ENPP2: variants seen among roughly 807,000 people sequenced by gnomAD.
ENPP2 encodes the protein autotaxin.
Under a neutral mutation model 120.2 loss-of-function variants are expected in ENPP2, and 51 were observed. The ratio of observed to expected loss-of-function variants is 0.42; its 90% confidence interval spans 0.34 to 0.54. ENPP2 has a LOEUF of 0.54. ENPP2 is among the 20% of genes least tolerant of loss of function. ENPP2 has a pLI of 0.04. For missense variants in ENPP2, 920 were observed against 1,066.5 expected, an observed-to-expected ratio of 0.86 and a Z score of 1.91; for synonymous variants, 365 against 366.4, an observed-to-expected ratio of 1.00 and a Z score of 0.04.
intron 8 of ENPP2, 45 bp downstream of exon 8, chr8:119,616,220 C>T (rs1461167276): frequency 6.5e-7 from 1 of 1,545,012 alleles, no homozygotes. Flanking sequence ...TGTCTCAATA[C>T]ATGAACACAC....
chr8:119,616,099 A>T (rs1815437525), intron 8 of ENPP2, among the ~76,000 whole-genome samples, 166 bp downstream of exon 8: 1 of 152,070 alleles, frequency 6.6e-6, no homozygotes, highest in South Asian at 2.1e-4. Context: ...ATGCATATAT[A>T]CACATATTTC....
At chr8:119,628,231 T>C (rs1225074464) in intron 2 of ENPP2, among the ~76,000 whole-genome samples, 1 of 152,188 alleles carries the variant, frequency 6.6e-6, no homozygotes, top group African/African-American at 2.4e-5. Context: ...TAGGGTCTCA[T>C]CTCAATATAC....
chr8:119,647,349 G>A (rs1289328084), intron 1 of ENPP2, among the ~76,000 whole-genome samples: 1 of 151,968 alleles, frequency 6.6e-6, no homozygotes, highest in East Asian at 1.9e-4. Context: ...CCAAATGCAG[G>A]GACCAATTAT....
intron 23 of ENPP2, 137 bp from the exon 24 acceptor site, chr8:119,563,150 C>T: frequency 1.5e-6 from 1 of 674,424 alleles, no homozygotes; most frequent in Non-Finnish European, 2.5e-6. Context: ...CACTTCTAAG[C>T]ACTAGCCCAC....
At chr8:119,579,521 C>A (rs1812578910) in intron 19 of ENPP2, among the ~76,000 whole-genome samples, 1 of 151,860 alleles carries the variant, frequency 6.6e-6, no homozygotes, top group Admixed American at 6.6e-5. Flanking sequence ...ACAGCCAGCA[C>A]ACTAAAATGG....
At chr8:119,563,760 C>A (rs1484828051) in intron 23 of ENPP2, among the ~76,000 whole-genome samples, 1 of 151,726 alleles carries the variant, frequency 6.6e-6, no homozygotes, top group Non-Finnish European at 1.5e-5. Flanking sequence ...CAGTGATCAG[C>A]AATAAAATAA....
chr8:119,662,258 T>C (rs1817942785), intron 1 of ENPP2, among the ~76,000 whole-genome samples: 1 of 152,194 alleles, frequency 6.6e-6, no homozygotes, highest in Non-Finnish European at 1.5e-5. Context: ...CATTCAACAG[T>C]GTATACATGT....
Position 119,673,258 on chromosome 8 carries a change from G to C in ENPP2, c.15C>G (p.Ala5=), listed in dbSNP as rs1255186241. 3 of 1,535,012 alleles carry C rather than the reference G, an allele frequency of 2.0e-6. No homozygotes were observed. In the South Asian group the frequency reaches 3.6e-5, roughly 18 times the overall value. ...AGAGAGGCGCATACCGTACCCGATCGGCGTGGCGGGTCATGCTGCGGGAGT... is the reference window on the plus strand; with the variant it reads ...AGAGAGGCGCATACCGTACCCGATCCGCGTGGCGGGTCATGCTGCGGGAGT... The change falls in exon 1 of 26, where the codon GCC becomes GCG. Residue 5 remains alanine (A), a synonymous_variant. Transcript: ENST00000427067.
chr8:119,665,243 C>A (rs1186505423), intron 1 of ENPP2, among the ~76,000 whole-genome samples: 1 of 152,182 alleles, frequency 6.6e-6, no homozygotes, highest in African/African-American at 2.4e-5. Context: ...ATAACAACAT[C>A]TTTCGTTTAT....
chr8:119,623,195 G>A (rs914250536), intron 3 of ENPP2, among the ~76,000 whole-genome samples: 4 of 152,194 alleles, frequency 2.6e-5, no homozygotes, highest in African/African-American at 9.6e-5. Context: ...GCCAGGCTCA[G>A]TGGCTCATGT....
intron 3 of ENPP2, among the ~76,000 whole-genome samples, chr8:119,626,342 A>G (rs1331117263): frequency 1.3e-5 from 2 of 152,254 alleles, no homozygotes; most frequent in African/African-American, 2.4e-5. Context: ...CCAGCACATC[A>G]TGACTGCAGC....
At chr8:119,610,171 GA>G (rs373508527) in intron 8 of ENPP2, among the ~76,000 whole-genome samples, 7 of 146,816 alleles carry the variant, frequency 4.8e-5, no homozygotes, top group South Asian at 2.1e-4. Flanking sequence ...CTTGTAATCA[GA>G]AAAAAAAAAC....
At position 119,605,430 on chromosome 8, in the gene ENPP2, A is replaced by ATGTGTGTG. The variant is rs573767269; in HGVS notation, c.833+2484_833+2491dup. ...ACATCCCATGATGAAGATACCATAT[A>ATGTGTGTG]TGTGTGTGTGTGTGTGTGTGTGTGT... On this transcript the variant is annotated intron_variant, in intron 9 of 24. Coordinates refer to ENST00000075322, the MANE Select transcript of ENPP2 (RefSeq NM_001040092.3). Among the ~76,000 whole-genome samples, 249 of 133,810 alleles carry ATGTGTGTG rather than the reference A, an allele frequency of 1.9e-3. 1 individual carries two copies. The highest frequency in any genetic ancestry group is 3.8e-3 in the Middle Eastern group (1 of 262). The allele number at this position is 133,810 out of a possible 152,430, so 87.8% of individuals were successfully genotyped here.
chr8:119,572,502 T>C lies in ENPP2; in HGVS notation c.1781-1661A>G. 8.5e-6 allele frequency: 4 copies of C among 471,048 alleles called. No homozygotes were observed. In the East Asian group the frequency reaches 1.4e-4, roughly 16 times the overall value. 29.2% of individuals were successfully genotyped at this position (471,048 alleles called of 1,614,324 possible). ...TCTTCCTCTAAATCCTCCTCATTTC[T>C]AAGCATTCAACGTAACACTCTATTC... is the stretch of plus-strand genomic sequence containing the variant. On this transcript the variant is annotated intron_variant, in intron 19 of 24. Coordinates refer to ENST00000075322, the MANE Select transcript of ENPP2 (RefSeq NM_001040092.3).
chr8:119,605,880 G>A (rs4871401), intron 9 of ENPP2, among the ~76,000 whole-genome samples: 77,441 of 151,966 alleles, frequency 0.51, 20,067 homozygotes, highest in South Asian at 0.7. Flanking sequence ...GAATCAACGT[G>A]AACAATCATA....
intron 1 of ENPP2, among the ~76,000 whole-genome samples, chr8:119,667,428 T>C (rs940343426): frequency 3.3e-5 from 5 of 152,230 alleles, no homozygotes; most frequent in Non-Finnish European, 7.3e-5. Context: ...TTTGGCTCTT[T>C]CATTCATTCA....
At chr8:119,627,802 C>A (rs1816385744) in intron 2 of ENPP2, among the ~76,000 whole-genome samples, 1 of 151,446 alleles carries the variant, frequency 6.6e-6, no homozygotes. Flanking sequence ...GCAGAGGTTG[C>A]AGTGAGCAGA....
chr8:119,642,628 G>A (rs1210409095), upstream of ENPP2, among the ~76,000 whole-genome samples: 1 of 152,106 alleles, frequency 6.6e-6, no homozygotes, highest in Non-Finnish European at 1.5e-5. Flanking sequence ...CTATTAATTG[G>A]ACATTAAAGT....
intron 1 of ENPP2, among the ~76,000 whole-genome samples, chr8:119,652,829 G>A (rs1817663662): frequency 1.3e-5 from 2 of 152,122 alleles, no homozygotes; most frequent in African/African-American, 4.8e-5. Flanking sequence ...GAAATCAAGA[G>A]TTTAAAAAAT....
Sources: gnomAD v4.1 joint callset for allele counts (sites outside exome capture counted in the v4.1 genomes callset) on GRCh38, gnomAD v4.1.1 for gene constraint, MANE v1.5 for transcripts, NCBI Gene and HGNC (gene_info 2026-07-23, HGNC 2026-07-21) for gene names.